FSTL5: variants seen among roughly 807,000 people sequenced by gnomAD.
FSTL5 encodes the protein follistatin like 5, also known as follistatin-related protein 5.
Under a neutral mutation model 89.1 loss-of-function variants are expected in FSTL5, and 62 were observed. The observed-to-expected ratio is 0.70, with a 90% CI of 0.57 to 0.86. The LOEUF is 0.86. Among genes scored for constraint, FSTL5 ranks in the 40% least tolerant of loss-of-function variants. FSTL5 has a pLI of 0.00. For synonymous variants in FSTL5, 383 were observed against 346.2 expected, an observed-to-expected ratio of 1.11 and a Z score of -1.18; for missense variants, 1,057 against 1,001.6, an observed-to-expected ratio of 1.06 and a Z score of -0.75.
intron 12 of FSTL5, among the ~76,000 whole-genome samples, chr4:161,484,262 G>C (rs1052603291): frequency 5.3e-5 from 8 of 151,882 alleles, no homozygotes; most frequent in African/African-American, 1.9e-4. Context: ...CTCCTTCTCA[G>C]GTCATCCGGC....
intron 4 of FSTL5, among the ~76,000 whole-genome samples, chr4:161,805,639 C>T (rs1241552617): frequency 6.6e-6 from 1 of 152,066 alleles, no homozygotes; most frequent in East Asian, 1.9e-4. Context: ...GTGTTTGGGG[C>T]ATCAGGACAA....
At chr4:161,951,653 T>C (rs1734898549) in intron 3 of FSTL5, among the ~76,000 whole-genome samples, 1 of 152,104 alleles carries the variant, frequency 6.6e-6, no homozygotes, top group African/African-American at 2.4e-5. Context: ...GTTATTAATA[T>C]TTAAATTATT....
intron 4 of FSTL5, among the ~76,000 whole-genome samples, chr4:161,825,549 A>G (rs1309122113): frequency 1.3e-5 from 2 of 151,948 alleles, no homozygotes; most frequent in African/African-American, 4.8e-5. Flanking sequence ...ATTTTTTATT[A>G]CCATTTTAAT....
intron 3 of FSTL5, among the ~76,000 whole-genome samples, chr4:161,939,124 A>G (rs1734510901): frequency 6.6e-6 from 1 of 152,002 alleles, no homozygotes. Context: ...AAGGATGTTG[A>G]TAAAATAATT....
intron 13 of FSTL5, among the ~76,000 whole-genome samples, chr4:161,465,146 A>G (rs898490056): frequency 4.6e-5 from 7 of 152,124 alleles, no homozygotes; most frequent in Admixed American, 1.3e-4. Flanking sequence ...CAGGCCTTCA[A>G]TATTGGTCCT....
chr4:161,908,348 G>A (rs1008554157), intron 4 of FSTL5, among the ~76,000 whole-genome samples: 5 of 151,748 alleles, frequency 3.3e-5, no homozygotes, highest in Non-Finnish European at 5.9e-5. Context: ...ACACACATAC[G>A]AACATACTTT....
chr4:161,541,503 C>T (rs974704731), intron 9 of FSTL5, among the ~76,000 whole-genome samples: 2 of 152,022 alleles, frequency 1.3e-5, no homozygotes, highest in Non-Finnish European at 2.9e-5. Flanking sequence ...GATATGTGTG[C>T]AAATGTGTCT....
chr4:161,496,448 T>C (rs1355763170), intron 12 of FSTL5, among the ~76,000 whole-genome samples: 1 of 152,198 alleles, frequency 6.6e-6, no homozygotes, highest in Non-Finnish European at 1.5e-5. Flanking sequence ...ATAATGTTTA[T>C]GGGCTTCCTC....
intron 3 of FSTL5, among the ~76,000 whole-genome samples, chr4:161,953,931 A>G (rs1006161933): frequency 3.3e-5 from 5 of 151,678 alleles, no homozygotes; most frequent in African/African-American, 1.2e-4. Context: ...TCCATTGTGT[A>G]AAGACACAAA....
At chr4:162,139,264 A>G (rs1260329103) in intron 1 of FSTL5, among the ~76,000 whole-genome samples, 2 of 152,008 alleles carry the variant, frequency 1.3e-5, no homozygotes, top group Non-Finnish European at 2.9e-5. Context: ...TGGAGTCCCC[A>G]GTATCTATTA....
rs1267702879 is a variant in FSTL5, at chr4:161,779,821, A to ATGTGTATATATATATATATATATG, written c.410-3748_410-3747insCATATATATATATATATATACACA. ...TATATATATATATATGTATATATAT[A>ATGTGTATATATATATATATATATG]TATATATATATATATGTATATAAAA... On this transcript the variant is annotated intron_variant, in intron 4 of 15. Coordinates refer to ENST00000306100, the MANE Select transcript of FSTL5 (RefSeq NM_020116.5). Among the ~76,000 whole-genome samples the ATGTGTATATATATATATATATATG allele has an allele frequency of 1.9e-4, 12 of 63,358 alleles. No individual in the cohort carries two copies. The South Asian group carries it at 2.0e-3, about 11-fold the overall frequency. 41.6% of individuals were successfully genotyped at this position (63,358 alleles called of 152,430 possible).
intron 2 of FSTL5, among the ~76,000 whole-genome samples, chr4:162,108,695 TTTTAAAA>T (rs1731322213): frequency 6.6e-6 from 1 of 151,738 alleles, no homozygotes; most frequent in Non-Finnish European, 1.5e-5. Flanking sequence ...AATAATTTAT[TTTTAAAA>T]TTTGAAGTAT....
At chr4:161,595,878 A>AT (rs1733996758) in intron 7 of FSTL5, among the ~76,000 whole-genome samples, 1 of 151,880 alleles carries the variant, frequency 6.6e-6, no homozygotes, top group Admixed American at 6.6e-5. Context: ...TTATAGTTCT[A>AT]AATTGTATGG....
chr4:161,816,647 G>T (rs1206572556), intron 4 of FSTL5, among the ~76,000 whole-genome samples: 5 of 152,176 alleles, frequency 3.3e-5, no homozygotes, highest in South Asian at 2.1e-4. Context: ...AAAATTTTCG[G>T]CCCAGACTAA....
intron 7 of FSTL5, among the ~76,000 whole-genome samples, chr4:161,630,415 G>T (rs1411607620): frequency 3.9e-5 from 6 of 152,170 alleles, no homozygotes; most frequent in Non-Finnish European, 8.8e-5. Context: ...GTCAGCTCAA[G>T]CCCTTGAAAA....
intron 3 of FSTL5, among the ~76,000 whole-genome samples, chr4:161,953,906 AAAGAGT>A (rs1379855671): frequency 2.0e-5 from 3 of 151,664 alleles, no homozygotes; most frequent in African/African-American, 7.2e-5. Flanking sequence ...TGGTTTTGCC[AAAGAGT>A]AATTTATATC....
intron 7 of FSTL5, among the ~76,000 whole-genome samples, chr4:161,631,236 G>T (rs1269318595): frequency 6.6e-6 from 1 of 152,080 alleles, no homozygotes; most frequent in Non-Finnish European, 1.5e-5. Context: ...TATTCCTTTA[G>T]AATTATTCTA....
intron 8 of FSTL5, among the ~76,000 whole-genome samples, chr4:161,580,391 T>A (rs1237367674): frequency 2.0e-5 from 3 of 152,164 alleles, no homozygotes; most frequent in African/African-American, 7.2e-5. Flanking sequence ...AAAATATGAA[T>A]ATCTCCAAAA....
chr4:162,108,939 T>C (rs2111401909), intron 2 of FSTL5, among the ~76,000 whole-genome samples: 1 of 152,154 alleles, frequency 6.6e-6, no homozygotes, highest in East Asian at 1.9e-4. Context: ...GTAGTTCACA[T>C]CCTAATGAAA....
Sources: gnomAD v4.1 joint callset for allele counts (sites outside exome capture counted in the v4.1 genomes callset) on GRCh38, gnomAD v4.1.1 for gene constraint, MANE v1.5 for transcripts, NCBI Gene and HGNC (gene_info 2026-07-23, HGNC 2026-07-21) for gene names.